NME7: variants seen among roughly 807,000 people sequenced by gnomAD.
NME7 encodes NME/NM23 family member 7, also known as nucleoside diphosphate kinase 7.
NME7 carries 41 observed loss-of-function variants against 49.1 expected under a neutral mutation model. The ratio of observed to expected loss-of-function variants is 0.83; its 90% confidence interval spans 0.65 to 1.08. The LOEUF (loss-of-function observed/expected upper bound fraction) is 1.08. Among genes scored for constraint, NME7 ranks in the 50% least tolerant of loss-of-function variants. The pLI is 0.00. For missense variants in NME7, 423 were observed against 463.4 expected (o/e 0.91, Z 0.80); for synonymous variants, 139 against 150.6 (o/e 0.92, Z 0.56).
chr1:169,228,948 A>C (rs1368944935), intron 10 of NME7, among the ~76,000 whole-genome samples: 1 of 152,198 alleles, frequency 6.6e-6, no homozygotes, highest in African/African-American at 2.4e-5. Flanking sequence ...TTCTCCCTGA[A>C]AAGATATAAA....
At chr1:169,246,900 GAT>G (rs1393617431) in intron 7 of NME7, 11 of 402,918 alleles carry the variant, frequency 2.7e-5, no homozygotes, top group Non-Finnish European at 5.3e-5. Flanking sequence ...CACCTTTGTA[GAT>G]ATACCTACAA....
chr1:169,211,640 T>A (rs1660823364), intron 10 of NME7, among the ~76,000 whole-genome samples: 2 of 152,110 alleles, frequency 1.3e-5, no homozygotes, highest in Non-Finnish European at 1.5e-5. Flanking sequence ...TAAAACAATA[T>A]GATATAATGG....
chr1:169,264,008 A>C (rs1649241358), intron 7 of NME7, among the ~76,000 whole-genome samples: 1 of 133,598 alleles, frequency 7.5e-6, no homozygotes, highest in Admixed American at 7.3e-5. Flanking sequence ...CTAAGCTTCA[A>C]AAGCAAAGGA....
At chr1:169,191,017 T>A (rs544256592) in intron 10 of NME7, among the ~76,000 whole-genome samples, 1 of 75,300 alleles carries the variant, frequency 1.3e-5, no homozygotes, top group South Asian at 3.9e-4. Flanking sequence ...TTTCACCGTT[T>A]TAGCCGGGAT....
At chr1:169,204,956 C>T (rs1660635458) in intron 10 of NME7, among the ~76,000 whole-genome samples, 1 of 151,850 alleles carries the variant, frequency 6.6e-6, no homozygotes. Flanking sequence ...CAAGGATGGC[C>T]CAACATCTCA....
chr1:169,328,660 A>T (rs1441388527), intron 1 of NME7, among the ~76,000 whole-genome samples: 1 of 152,180 alleles, frequency 6.6e-6, no homozygotes, highest in Non-Finnish European at 1.5e-5. Flanking sequence ...TACTAGGTAA[A>T]TTTTTTTGTA....
intron 9 of NME7, among the ~76,000 whole-genome samples, chr1:169,234,496 T>C (rs1647776633): frequency 1.3e-5 from 2 of 151,696 alleles, no homozygotes; most frequent in African/African-American, 4.9e-5. Flanking sequence ...TAAATAATAA[T>C]AAAAACAACA....
chr1:169,172,611 A>G (rs552641881), intron 10 of NME7, among the ~76,000 whole-genome samples: 2 of 152,266 alleles, frequency 1.3e-5, no homozygotes, highest in Admixed American at 6.5e-5. Context: ...CAATACGATC[A>G]TGTTATTTAC....
intron 7 of NME7, among the ~76,000 whole-genome samples, chr1:169,267,467 C>T (rs1193773138): frequency 7.5e-6 from 1 of 133,284 alleles, no homozygotes; most frequent in Non-Finnish European, 1.8e-5. Flanking sequence ...CCAAGGGAAC[C>T]CTAAGCAAAA....
intron 1 of NME7, among the ~76,000 whole-genome samples, chr1:169,329,956 G>T (rs974464028): frequency 6.6e-6 from 1 of 152,054 alleles, no homozygotes; most frequent in Admixed American, 6.6e-5. Flanking sequence ...GAGTAAAGAA[G>T]CAAATAAACA....
chr1:169,230,624 T>C, intron 10 of NME7, 94 bp downstream of exon 10: 1 of 568,574 alleles, frequency 1.8e-6, no homozygotes, highest in Non-Finnish European at 2.9e-6. Flanking sequence ...CATTTTTACA[T>C]TATTTACTTA....
intron 7 of NME7, among the ~76,000 whole-genome samples, chr1:169,250,402 T>C (rs950154647): frequency 3.3e-5 from 5 of 152,100 alleles, no homozygotes; most frequent in East Asian, 3.8e-4. Context: ...GTTTATCTTT[T>C]TGAAAAACCA....
chr1:169,324,649 A>C (rs1248932774), intron 1 of NME7, 149 bp from the exon 2 acceptor site: 2 of 583,644 alleles, frequency 3.4e-6, no homozygotes, highest in East Asian at 5.6e-5. Context: ...ACAAAGTATC[A>C]GTTATCAACA....
intron 2 of NME7, 129 bp from the exon 3 acceptor site, chr1:169,323,412 T>C (rs1651930604): frequency 1.5e-6 from 1 of 689,552 alleles, no homozygotes; most frequent in Non-Finnish European, 2.1e-6. Context: ...CTGTTTCTTT[T>C]TTGTTACAAA....
chr1:169,234,191 C>A (rs1647760229), intron 9 of NME7, among the ~76,000 whole-genome samples: 1 of 152,136 alleles, frequency 6.6e-6, no homozygotes, highest in Non-Finnish European at 1.5e-5. Context: ...AAAAAAACAA[C>A]CTTTCTGTTT....
chr1:169,186,704 C>A (rs966905025), intron 10 of NME7, among the ~76,000 whole-genome samples: 1 of 152,110 alleles, frequency 6.6e-6, no homozygotes, highest in Admixed American at 6.5e-5. Context: ...TTTCCAAAAA[C>A]CAGCTCCTGG....
chr1:169,171,291 T>C (rs1659579682), intron 10 of NME7, among the ~76,000 whole-genome samples: 1 of 151,920 alleles, frequency 6.6e-6, no homozygotes, highest in Non-Finnish European at 1.5e-5. Flanking sequence ...GGCTTGAGCC[T>C]GTGAGGTCGA....
At chr1:169,132,872 C>CTT (rs1658279136) in intron 11 of NME7, 55 bp from the exon 12 acceptor site, 1 of 1,485,838 alleles carries the variant, frequency 6.7e-7, no homozygotes, top group East Asian at 2.3e-5. Flanking sequence ...GTCTTTTCCA[C>CTT]TTAACAGAGT....
chr1:169,352,543 C>T (rs1653216646), intron 1 of NME7, among the ~76,000 whole-genome samples: 2 of 152,032 alleles, frequency 1.3e-5, no homozygotes, highest in African/African-American at 4.8e-5. Flanking sequence ...ACACTTTCAC[C>T]ACTGTTATTC....
Sources: gnomAD v4.1 joint callset for allele counts (sites outside exome capture counted in the v4.1 genomes callset) on GRCh38, gnomAD v4.1.1 for gene constraint, MANE v1.5 for transcripts, NCBI Gene and HGNC (gene_info 2026-07-23, HGNC 2026-07-21) for gene names.